The following RTN1 variants were observed in gnomAD, a reference collection of about 807,000 sequenced individuals.
RTN1 encodes reticulon-1.
Under a neutral mutation model 65.5 loss-of-function variants are expected in RTN1, and 25 were observed. The observed-to-expected ratio is 0.38, with a 90% CI of 0.28 to 0.53. The LOEUF (loss-of-function observed/expected upper bound fraction) is 0.53. RTN1 is among the 20% of genes least tolerant of loss of function. The pLI is 0.79. For missense variants in RTN1, 983 were observed against 1,025.4 expected (o/e 0.96, Z 0.57); for synonymous variants, 471 against 447.6 (o/e 1.05, Z -0.66).
intron 1 of RTN1, among the ~76,000 whole-genome samples, chr14:59,812,996 TA>T (rs1472825107): frequency 6.6e-6 from 1 of 152,206 alleles, no homozygotes; most frequent in East Asian, 1.9e-4. Flanking sequence ...ACAAGTAACC[TA>T]AATATGCTGA....
chr14:59,753,912 T>C (rs1209603110), intron 1 of RTN1, among the ~76,000 whole-genome samples: 3 of 152,184 alleles, frequency 2.0e-5, no homozygotes, highest in Non-Finnish European at 2.9e-5. Flanking sequence ...CCACAGCTGT[T>C]TCCTGGACCA....
Position 59,612,400 on chromosome 14 carries a change from G to C in RTN1, c.1766-4908C>G, listed in dbSNP as rs564771663. Among the ~76,000 whole-genome samples, 11 of 152,292 alleles carry C rather than the reference G, an allele frequency of 7.2e-5. 1 individual carries two copies. In the East Asian group the frequency reaches 1.9e-3, roughly 27 times the overall value. ...CAAAAAGGGTAAGAAATTCTTACCA[G>C]CCAAGTTTCTGGTCTCTCTCTCTCT... On this transcript the variant is annotated intron_variant, in intron 3 of 8. Coordinates refer to ENST00000267484, the MANE Select transcript of RTN1 (RefSeq NM_021136.3).
chr14:59,792,950 A>G (rs976667114), intron 1 of RTN1, among the ~76,000 whole-genome samples: 6 of 152,138 alleles, frequency 3.9e-5, no homozygotes, highest in African/African-American at 1.4e-4. Flanking sequence ...ATATTACTTC[A>G]TGTGCCAATA....
chr14:59,838,076 A>G (rs75917071), intron 1 of RTN1, among the ~76,000 whole-genome samples: 2,535 of 152,298 alleles, frequency 0.017, 63 homozygotes, highest in African/African-American at 0.058. Context: ...CCCAATAGGT[A>G]GTTTTTCGGC....
At chr14:59,848,202 C>A (rs1887442611) in intron 1 of RTN1, among the ~76,000 whole-genome samples, 1 of 152,194 alleles carries the variant, frequency 6.6e-6, no homozygotes. Flanking sequence ...GTAATGGTCA[C>A]CACCTGAATG....
intron 1 of RTN1, among the ~76,000 whole-genome samples, chr14:59,866,042 C>T (rs942255048): frequency 2.0e-5 from 3 of 147,574 alleles, no homozygotes; most frequent in African/African-American, 7.5e-5. Flanking sequence ...AACTCATACC[C>T]TTGTGCCCAT....
intron 3 of RTN1, among the ~76,000 whole-genome samples, chr14:59,656,829 G>A (rs1382094591): frequency 6.6e-6 from 1 of 152,208 alleles, no homozygotes; most frequent in Non-Finnish European, 1.5e-5. Flanking sequence ...AGGCATGACT[G>A]CATTTGCAGA....
At chr14:59,735,582 G>C (rs1784746213) in intron 2 of RTN1, among the ~76,000 whole-genome samples, 1 of 152,170 alleles carries the variant, frequency 6.6e-6, no homozygotes, top group Non-Finnish European at 1.5e-5. Flanking sequence ...AGCAGAGGTT[G>C]CACTCCTGGT....
In RTN1 at chr14:59,727,343, T is replaced by TGGCGAGGCG. The variant is rs1278327988; in HGVS notation, c.1332_1340dup (p.Ala445_Pro447dup). On this transcript the variant is annotated inframe_insertion, in exon 3 of 9. Transcript: ENST00000267484. The surrounding 1 kb of genome is among the most constrained non-coding windows in gnomAD (Gnocchi z 4.2). ...CCCTCAGGATGCTGTACTGGATGGA[T>TGGCGAGGCG]GGCGAGGCGGGCGAGGGCGGCGGGC... 6.6e-7 allele frequency: 1 copy of TGGCGAGGCG among 1,517,500 alleles called. No homozygotes were observed. The highest frequency in any genetic ancestry group is 8.8e-7 in the Non-Finnish European group (1 of 1,131,072). 94.0% of individuals were successfully genotyped at this position (1,517,500 alleles called of 1,614,324 possible). A position where few individuals can be genotyped will look rare whatever the true frequency, so the allele number is the denominator to read the frequency against.
intron 3 of RTN1, among the ~76,000 whole-genome samples, chr14:59,725,744 A>G (rs1195379271): frequency 2.0e-5 from 3 of 152,190 alleles, no homozygotes; most frequent in Non-Finnish European, 1.5e-5. Flanking sequence ...TTCTATTCCA[A>G]TGTGTTAATT....
chr14:59,645,295 A>C (rs1882866718), intron 3 of RTN1, among the ~76,000 whole-genome samples: 1 of 151,994 alleles, frequency 6.6e-6, no homozygotes, highest in Admixed American at 6.6e-5. Flanking sequence ...GTGCTGGAAA[A>C]TCTGAGGTGA....
In RTN1 at chr14:59,766,876, G is replaced by C. The variant is rs1885859913; in HGVS notation, c.242-20395C>G. Among the ~76,000 whole-genome samples, 1 of 152,192 alleles carries C rather than the reference G, an allele frequency of 6.6e-6. No homozygotes were observed. The highest frequency in any genetic ancestry group is 2.1e-4 in the South Asian group (1 of 4,824). On this transcript the variant is annotated intron_variant, in intron 1 of 8. Coordinates refer to ENST00000267484, the MANE Select transcript of RTN1 (RefSeq NM_021136.3). The surrounding 1 kb of genome is among the most constrained non-coding windows in gnomAD (Gnocchi z 4.4). ...AATATAATAATGATAAAACAAACTT[G>C]ATAGTTTCAGTGTTTAGTTATTTAA... is the stretch of plus-strand genomic sequence containing the variant.
rs1239569773 is a variant in RTN1 at position 59,607,676 on chromosome 14, G to C, written c.1766-184C>G. ...ACTGTCATTCCACTTTGGTTTGGAA[G>C]AATCTTTTCCACCCTTGAGGATAAT... On this transcript the variant is annotated intron_variant, in intron 3 of 8. Transcript: ENST00000267484. The C allele has an allele frequency of 6.5e-6, 4 of 611,032 alleles. No individual in the cohort carries two copies. The African/African-American group carries it at 7.4e-5, about 11-fold the overall frequency. The allele number at this position is 611,032 out of a possible 1,614,324, so 37.9% of individuals were successfully genotyped here.
intron 1 of RTN1, among the ~76,000 whole-genome samples, chr14:59,777,824 A>AC (rs1410291669): frequency 0.037 from 1,712 of 46,466 alleles, 27 homozygotes; most frequent in African/African-American, 0.14. Flanking sequence ...AACAACAACA[A>AC]AAAAAAAAAA....
At chr14:59,676,457 A>G (rs1396528289) in intron 3 of RTN1, among the ~76,000 whole-genome samples, 1 of 152,188 alleles carries the variant, frequency 6.6e-6, no homozygotes, top group African/African-American at 2.4e-5. Context: ...TATGGCCTTA[A>G]AGGTAAGTCA....
chr14:59,811,158 G>A (rs960763130), intron 1 of RTN1, among the ~76,000 whole-genome samples: 3 of 152,162 alleles, frequency 2.0e-5, no homozygotes, highest in Non-Finnish European at 4.4e-5. Flanking sequence ...TGAACTTTTA[G>A]TATATTGTAA....
intron 1 of RTN1, among the ~76,000 whole-genome samples, chr14:59,757,504 T>C (rs1594727838): frequency 6.6e-6 from 1 of 152,176 alleles, no homozygotes; most frequent in Non-Finnish European, 1.5e-5. Flanking sequence ...TCCCAGCCAT[T>C]TGGAACTGTG....
At chr14:59,821,379 T>C (rs1886941374) in intron 1 of RTN1, among the ~76,000 whole-genome samples, 1 of 152,232 alleles carries the variant, frequency 6.6e-6, no homozygotes, top group South Asian at 2.1e-4. Context: ...ATCCTGAAAC[T>C]TTACTAAAGT....
At chr14:59,643,789 T>A (rs1486868519) in intron 3 of RTN1, among the ~76,000 whole-genome samples, 3 of 152,124 alleles carry the variant, frequency 2.0e-5, no homozygotes, top group African/African-American at 4.8e-5. Flanking sequence ...AACTCTCAGT[T>A]AAAATGTCAG....
Sources: gnomAD v4.1 joint callset for allele counts (sites outside exome capture counted in the v4.1 genomes callset) on GRCh38, gnomAD v4.1.1 for gene constraint, Gnocchi (gnomAD v3.1) non-coding constraint, MANE v1.5 for transcripts, NCBI Gene and HGNC (gene_info 2026-07-23, HGNC 2026-07-21) for gene names.